Variants in PARD3 observed in about 807,000 individuals in gnomAD.
PARD3 encodes par-3 family cell polarity regulator.
Under a neutral mutation model 155.4 loss-of-function variants are expected in PARD3, and 75 were observed. That is an observed-to-expected ratio of 0.48 (90% CI 0.40 to 0.58). The LOEUF is 0.58. Among genes scored for constraint, PARD3 ranks in the 20% least tolerant of loss-of-function variants. PARD3 has a pLI of 0.00. For synonymous variants in PARD3, 576 were observed against 610.5 expected (o/e 0.94, Z 0.83); for missense variants, 1,642 against 1,721.7 (o/e 0.95, Z 0.82).
intron 12 of PARD3, among the ~76,000 whole-genome samples, chr10:34,369,015 A>C (rs927024032): frequency 3.5e-5 from 5 of 143,890 alleles, no homozygotes; most frequent in African/African-American, 1.5e-4. Flanking sequence ...TATGTAGCTT[A>C]GCTTTTTTTT....
At chr10:34,149,407 A>G (rs1437571621) in intron 22 of PARD3, among the ~76,000 whole-genome samples, 2 of 152,132 alleles carry the variant, frequency 1.3e-5, no homozygotes, top group Non-Finnish European at 2.9e-5. Context: ...AATTCTATTA[A>G]CTTAAATCCC....
intron 4 of PARD3, among the ~76,000 whole-genome samples, chr10:34,465,614 A>G (rs1264509968): frequency 2.0e-5 from 3 of 152,222 alleles, no homozygotes; most frequent in Non-Finnish European, 4.4e-5. Flanking sequence ...CCAATGCAAT[A>G]GGTTCCCTTT....
intron 23 of PARD3, among the ~76,000 whole-genome samples, chr10:34,121,891 C>A (rs536747636): frequency 3.3e-5 from 5 of 152,204 alleles, no homozygotes; most frequent in African/African-American, 7.2e-5. Context: ...ATCAGTGAGG[C>A]CTTCAGCAAG....
At chr10:34,371,078 C>T (rs1171373649) in intron 12 of PARD3, among the ~76,000 whole-genome samples, 1 of 151,938 alleles carries the variant, frequency 6.6e-6, no homozygotes, top group African/African-American at 2.4e-5. Flanking sequence ...TTGTTTAACC[C>T]TATAACAATG....
chr10:34,540,685 G>A (rs2083546550), intron 2 of PARD3, among the ~76,000 whole-genome samples: 1 of 152,262 alleles, frequency 6.6e-6, no homozygotes, highest in Non-Finnish European at 1.5e-5. Context: ...AAAGACTGAG[G>A]TGGGAAGATC....
intron 5 of PARD3, 77 bp from the exon 6 acceptor site, chr10:34,401,994 AT>A (rs2132204076): frequency 8.8e-7 from 1 of 1,132,682 alleles, no homozygotes; most frequent in Admixed American, 1.7e-5. Context: ...ACTGGATAAA[AT>A]GGAAGTCTAA....
At chr10:34,567,381 C>T (rs1371924728) in intron 2 of PARD3, among the ~76,000 whole-genome samples, 3 of 152,288 alleles carry the variant, frequency 2.0e-5, no homozygotes, top group Admixed American at 6.5e-5. Flanking sequence ...GACTATTTTA[C>T]ATTAAAATAT....
intron 2 of PARD3, among the ~76,000 whole-genome samples, chr10:34,524,054 C>T (rs1053039868): frequency 4.6e-5 from 7 of 152,130 alleles, no homozygotes; most frequent in Non-Finnish European, 7.4e-5. Context: ...ATAAAGCACA[C>T]GTGATAACCT....
At chr10:34,392,370 A>G (rs1240299698) in intron 7 of PARD3, among the ~76,000 whole-genome samples, 1 of 152,216 alleles carries the variant, frequency 6.6e-6, no homozygotes, top group Non-Finnish European at 1.5e-5. Flanking sequence ...TGAATATTGT[A>G]TTGAAGATAA....
intron 4 of PARD3, among the ~76,000 whole-genome samples, chr10:34,461,564 C>CCACT (rs2077654527): frequency 6.6e-6 from 1 of 152,034 alleles, no homozygotes; most frequent in Admixed American, 6.6e-5. Flanking sequence ...TGAGATCACA[C>CCACT]CACTGCATTC....
In PARD3 at chr10:34,725,103, CTTTGTG is replaced by C. The variant is rs1238099671; in HGVS notation, c.121-28690_121-28685del. Among the ~76,000 whole-genome samples the C allele has an allele frequency of 1.9e-3, 208 of 109,628 alleles. 1 individual carries two copies. Among genetic ancestry groups the C allele is most frequent in the African/African-American group, 7.5e-3 (200 of 26,812 alleles). The allele number at this position is 109,628 out of a possible 152,430, so 71.9% of individuals were successfully genotyped here. ...GTTAAAAGGATTGAATGAGTCAAAA[CTTTGTG>C]TGTGTGTGTGTGTGTGTGTGTGTGT... On this transcript the variant is annotated intron_variant, in intron 1 of 24. Transcript: ENST00000374788.
At chr10:34,275,407 A>G (rs1050591600) in intron 21 of PARD3, among the ~76,000 whole-genome samples, 3 of 152,230 alleles carry the variant, frequency 2.0e-5, no homozygotes, top group African/African-American at 7.2e-5. Flanking sequence ...ACTAATGTGC[A>G]TTCTCAAGTT....
chr10:34,743,697 C>A (rs2095058026), intron 1 of PARD3, among the ~76,000 whole-genome samples: 2 of 152,198 alleles, frequency 1.3e-5, no homozygotes, highest in Non-Finnish European at 1.5e-5. Context: ...TGATGGGTAT[C>A]TGAACTTGAA....
Position 34,126,170 on chromosome 10 carries a change from A to G in PARD3, c.3540+5293T>C, listed in dbSNP as rs528298146. On this transcript the variant is annotated intron_variant, in intron 23 of 24. Transcript: ENST00000374788. ...ACTTGGGAGAGAATTCACTTCAATTATGGAGCTAAGGAAATTTTCTGGGCC... is the reference window on the plus strand; with the variant it reads ...ACTTGGGAGAGAATTCACTTCAATTGTGGAGCTAAGGAAATTTTCTGGGCC... 5.3e-5 allele frequency among the ~76,000 whole-genome samples: 8 copies of G among 152,288 alleles called. No homozygotes were observed. In the South Asian group the frequency reaches 1.7e-3, roughly 32 times the overall value.
chr10:34,446,357 G>A (rs181670221), intron 5 of PARD3, among the ~76,000 whole-genome samples: 7 of 151,818 alleles, frequency 4.6e-5, no homozygotes, highest in African/African-American at 1.2e-4. Context: ...ATATTAATAC[G>A]TTGAGTATTT....
chr10:34,207,587 A>G (rs1166186922), intron 22 of PARD3, among the ~76,000 whole-genome samples: 1 of 152,216 alleles, frequency 6.6e-6, no homozygotes, highest in Admixed American at 6.5e-5. Flanking sequence ...AGTTACACAA[A>G]TAAGGCACAG....
At chr10:34,337,666 C>T (rs1324288638) in intron 16 of PARD3, among the ~76,000 whole-genome samples, 1 of 151,862 alleles carries the variant, frequency 6.6e-6, no homozygotes, top group Non-Finnish European at 1.5e-5. Context: ...GAATTTTCTC[C>T]TTCTCTACTT....
Position 34,331,315 on chromosome 10 carries a change from G to C in PARD3, c.2635C>G (p.Leu879Val). 1 of 1,613,718 alleles carries C rather than the reference G, an allele frequency of 6.2e-7. No individual in the cohort carries two copies. Among genetic ancestry groups the C allele is most frequent in the Non-Finnish European group, 8.5e-7 (1 of 1,179,768 alleles). ...GSPSRDVGPS[L>V]GLKKSSSLES... ...AACGAGCTTGACTTCTTCAGACCCA[G>C]GGAAGGACCCACATCTCTGCTGGGA... Residue 879 changes from leucine to valine, a missense_variant, in exon 19 of 25, where the codon CTG (leucine) becomes GTG (valine). Leu to Val is a conservative substitution (Grantham distance 32, BLOSUM62 1). Coordinates refer to ENST00000374788, the MANE Select transcript of PARD3 (RefSeq NM_001184785.2).
At chr10:34,729,003 A>G (rs2094768752) in intron 1 of PARD3, among the ~76,000 whole-genome samples, 1 of 152,182 alleles carries the variant, frequency 6.6e-6, no homozygotes, top group Non-Finnish European at 1.5e-5. Context: ...AACTGCCTGC[A>G]GTATTCAGGA....
Sources: allele counts gnomAD v4.1 joint callset (sites outside exome capture counted in the v4.1 genomes callset), GRCh38; gene constraint gnomAD v4.1.1; transcripts MANE v1.5; gene names NCBI Gene and HGNC (gene_info 2026-07-23, HGNC 2026-07-21).